Variants in LRP6 observed in about 807,000 individuals in gnomAD.
The protein encoded by LRP6 is LDL receptor related protein 6.
Under a neutral mutation model 184.1 loss-of-function variants are expected in LRP6, and 43 were observed. The ratio of observed to expected loss-of-function variants is 0.23; its 90% CI spans 0.18 to 0.30. The LOEUF is 0.30. LRP6 is among the 10% of genes least tolerant of loss of function. The pLI, the probability that LRP6 is intolerant of heterozygous loss-of-function variation, is 1.00. For missense variants in LRP6, 1,571 were observed against 2,005.3 expected, an observed-to-expected ratio of 0.78 and a Z score of 4.14; for synonymous variants, 719 against 684.9, an observed-to-expected ratio of 1.05 and a Z score of -0.78.
intron 2 of LRP6, among the ~76,000 whole-genome samples, chr12:12,237,563 T>C (rs898537166): frequency 1.3e-5 from 2 of 152,100 alleles, no homozygotes; most frequent in Non-Finnish European, 2.9e-5. Context: ...GACAAAACCA[T>C]AGCCAAGTGA....
intron 2 of LRP6, among the ~76,000 whole-genome samples, chr12:12,229,867 T>C (rs1349437469): frequency 6.6e-6 from 1 of 152,218 alleles, no homozygotes; most frequent in Non-Finnish European, 1.5e-5. Context: ...CTCAATTAGC[T>C]TTATTTTGGC....
chr12:12,169,101 C>T (rs982456805), intron 7 of LRP6, among the ~76,000 whole-genome samples: 3 of 152,014 alleles, frequency 2.0e-5, no homozygotes, highest in Admixed American at 6.5e-5. Flanking sequence ...TGGTGGCTAA[C>T]GCCTGTAATC....
At chr12:12,236,914 A>T (rs1235077633) in intron 2 of LRP6, among the ~76,000 whole-genome samples, 11 of 150,166 alleles carry the variant, frequency 7.3e-5, no homozygotes, top group Admixed American at 4.0e-4. Flanking sequence ...TAATTCAGGG[A>T]TTTTTTTTTT....
intron 2 of LRP6, among the ~76,000 whole-genome samples, chr12:12,204,368 T>C (rs1356462146): frequency 2.0e-5 from 3 of 150,888 alleles, no homozygotes; most frequent in South Asian, 2.1e-4. Flanking sequence ...ATCAAGTGTA[T>C]GATCTTGGAC....
intron 2 of LRP6, among the ~76,000 whole-genome samples, chr12:12,226,031 T>C (rs1864614635): frequency 6.6e-6 from 1 of 151,844 alleles, no homozygotes; most frequent in African/African-American, 2.4e-5. Context: ...CAGCTCCACC[T>C]CCCTCTCCCC....
rs10661340 is a variant in LRP6, at chr12:12,231,180, CAAA to C, written c.449+13079_449+13081del. ...TGGATGACAGAGCAAGACTCCATCT[CAAA>C]AAAAAAAAAAAAAAAAAAAAAAAAA... On this transcript the variant is annotated intron_variant, in intron 2 of 22. Transcript: ENST00000261349. Among the ~76,000 whole-genome samples the C allele has an allele frequency of 4.2e-4, 10 of 23,566 alleles. No homozygotes were observed. In the East Asian group the frequency reaches 8.0e-3, roughly 19 times the overall value. 15.5% of individuals were successfully genotyped at this position (23,566 alleles called of 152,430 possible). A position where few individuals can be genotyped will look rare whatever the true frequency, so the allele number is the denominator to read the frequency against.
At position 12,149,213 on chromosome 12, in the gene LRP6, A is replaced by G. The variant is rs949342481; in HGVS notation, c.2995-60T>C. ...TCCAGGGGCAGATAACCCTGAGGCA[A>G]TCAGTCACAATGCTTACACCTACAT... On this transcript the variant is annotated intron_variant, in intron 13 of 22. Coordinates refer to ENST00000261349, the MANE Select transcript of LRP6 (RefSeq NM_002336.3). 4.1e-5 allele frequency: 52 copies of G among 1,276,576 alleles called. 1 individual carries two copies. Among genetic ancestry groups the G allele is most frequent in the Middle Eastern group, 4.4e-4 (2 of 4,518 alleles). 79.1% of individuals were successfully genotyped at this position (1,276,576 alleles called of 1,614,324 possible).
chr12:12,201,290 G>A (rs1271974939), intron 3 of LRP6, among the ~76,000 whole-genome samples: 1 of 152,094 alleles, frequency 6.6e-6, no homozygotes, highest in East Asian at 1.9e-4. Context: ...TCCTGGATGA[G>A]CACTCTGGCA....
intron 2 of LRP6, among the ~76,000 whole-genome samples, chr12:12,231,728 C>G (rs1387983510): frequency 1.3e-5 from 2 of 151,122 alleles, no homozygotes; most frequent in African/African-American, 4.9e-5. Flanking sequence ...AAAAAAAACT[C>G]ATGCTGAGCA....
chr12:12,160,042 C>A, intron 10 of LRP6, 78 bp from the exon 11 acceptor site: 1 of 1,051,596 alleles, frequency 9.5e-7, no homozygotes, highest in Non-Finnish European at 1.4e-6. Flanking sequence ...TGCAAAGTAA[C>A]TAAATAAATT....
intron 3 of LRP6, among the ~76,000 whole-genome samples, chr12:12,199,289 A>C (rs1863852341): frequency 6.6e-6 from 1 of 152,206 alleles, no homozygotes; most frequent in South Asian, 2.1e-4. Flanking sequence ...ATTCAAAAGC[A>C]GCTCTGTCAA....
intron 1 of LRP6, among the ~76,000 whole-genome samples, chr12:12,261,588 A>G (rs1865617633): frequency 6.6e-6 from 1 of 152,178 alleles, no homozygotes; most frequent in African/African-American, 2.4e-5. Context: ...TCAAATATCA[A>G]TGTAATACTT....
intron 16 of LRP6, among the ~76,000 whole-genome samples, chr12:12,136,119 G>A (rs772580662): frequency 1.3e-5 from 2 of 151,994 alleles, no homozygotes; most frequent in African/African-American, 2.4e-5. Flanking sequence ...CCTGGGAGGC[G>A]GAGGTTACAG....
At chr12:12,125,868 A>G (rs1316121067) in intron 20 of LRP6, among the ~76,000 whole-genome samples, 1 of 152,246 alleles carries the variant, frequency 6.6e-6, no homozygotes, top group East Asian at 1.9e-4. Flanking sequence ...ATGAATATAA[A>G]TGTTGCTAGA....
intron 9 of LRP6, 144 bp downstream of exon 9, chr12:12,164,129 A>C (rs988646312): frequency 9.1e-6 from 2 of 219,496 alleles, no homozygotes; most frequent in African/African-American, 6.3e-5. Flanking sequence ...GACACCGTTT[A>C]AAAAAAAAAA....
chr12:12,163,991 G>A (rs554649014), intron 9 of LRP6, among the ~76,000 whole-genome samples: 22 of 152,164 alleles, frequency 1.4e-4, no homozygotes, highest in African/African-American at 4.8e-4. Flanking sequence ...TTAGCTGGGC[G>A]TCGTGGCACG....
intron 4 of LRP6, chr12:12,186,676 T>G: frequency 2.5e-6 from 1 of 407,522 alleles, no homozygotes. Flanking sequence ...TTTTTTTTTT[T>G]GAGACACAGT....
chr12:12,191,487 C>A (rs1165610807), intron 3 of LRP6, among the ~76,000 whole-genome samples: 1 of 152,064 alleles, frequency 6.6e-6, no homozygotes, highest in Non-Finnish European at 1.5e-5. Flanking sequence ...AATGTTCAAG[C>A]AAAACAGTTT....
At chr12:12,159,359 C>T (rs1479265410) in intron 11 of LRP6, among the ~76,000 whole-genome samples, 1 of 119,342 alleles carries the variant, frequency 8.4e-6, no homozygotes, top group Non-Finnish European at 1.9e-5. Context: ...TGACCCCATG[C>T]TTCAAACTTA....
Sources: gnomAD v4.1 joint callset for allele counts (sites outside exome capture counted in the v4.1 genomes callset) on GRCh38, gnomAD v4.1.1 for gene constraint, MANE v1.5 for transcripts, NCBI Gene and HGNC (gene_info 2026-07-23, HGNC 2026-07-21) for gene names.